Variants in RGS7 observed in about 807,000 individuals in gnomAD.
RGS7 encodes regulator of G-protein signaling 7.
A neutral mutation model predicts 81.1 loss-of-function variants in RGS7; 27 were observed. The observed-to-expected ratio is 0.33, with a 90% CI of 0.25 to 0.46. The LOEUF (loss-of-function observed/expected upper bound fraction) is 0.46, where lower values mean the gene tolerates loss of function less well. Ranked by LOEUF, RGS7 falls within the 20% of genes least tolerant of loss-of-function variation. The pLI is 1.00. For synonymous variants in RGS7, 208 were observed against 207.7 expected, an observed-to-expected ratio of 1.00 and a Z score of -0.01; for missense variants, 396 against 607.4, an observed-to-expected ratio of 0.65 and a Z score of 3.66.
At chr1:240,991,101 T>C (rs1005618683) in intron 3 of RGS7, among the ~76,000 whole-genome samples, 1 of 152,194 alleles carries the variant, frequency 6.6e-6, no homozygotes, top group African/African-American at 2.4e-5. Context: ...AGTAAAAATA[T>C]ATTTCCCTAC....
In RGS7 at chr1:240,868,196, A is replaced by T. The variant is rs1165343822; in HGVS notation, c.609+391T>A. On this transcript the variant is annotated intron_variant, in intron 9 of 18. Transcript: ENST00000440928. The surrounding 1 kb of genome is among the most constrained non-coding windows in gnomAD (Gnocchi z 5.1). ...GAAGGACGAAGGAAGGAAGGAAGGA[A>T]CGAAGGAACGAAGGGAGGGAAGGAA... 2.0e-5 allele frequency among the ~76,000 whole-genome samples: 3 copies of T among 150,240 alleles called. No homozygotes were observed. Among genetic ancestry groups the T allele is most frequent in the African/African-American group, 7.5e-5 (3 of 40,012 alleles).
intron 18 of RGS7, among the ~76,000 whole-genome samples, chr1:240,790,749 C>A (rs564239558): frequency 6.6e-6 from 1 of 152,136 alleles, no homozygotes; most frequent in Non-Finnish European, 1.5e-5. Context: ...AGAAAAGATT[C>A]TTGCAATGGG....
At chr1:241,106,494 A>C (rs774646195) in intron 2 of RGS7, among the ~76,000 whole-genome samples, 2 of 152,092 alleles carry the variant, frequency 1.3e-5, no homozygotes, top group Non-Finnish European at 2.9e-5. Context: ...CCAACGGATC[A>C]CCTGAGGTCC....
At chr1:241,248,882 C>A (rs942124401) in intron 2 of RGS7, among the ~76,000 whole-genome samples, 1 of 152,182 alleles carries the variant, frequency 6.6e-6, no homozygotes, top group African/African-American at 2.4e-5. Context: ...TATCATTCGA[C>A]GAACTTGCTA....
At chr1:240,941,331 G>A (rs1398492637) in intron 4 of RGS7, among the ~76,000 whole-genome samples, 1 of 152,116 alleles carries the variant, frequency 6.6e-6, no homozygotes. Flanking sequence ...GATATTTTGT[G>A]TTCATTACAG....
chr1:241,147,662 A>G (rs2068407691), intron 2 of RGS7, among the ~76,000 whole-genome samples: 2 of 151,316 alleles, frequency 1.3e-5, no homozygotes, highest in African/African-American at 4.8e-5. Context: ...TATAATTTCT[A>G]TGCAGGTTAT....
chr1:241,029,526 A>G (rs1040202315), intron 3 of RGS7, among the ~76,000 whole-genome samples: 7 of 152,210 alleles, frequency 4.6e-5, no homozygotes, highest in African/African-American at 1.7e-4. Flanking sequence ...TTCTGGGTGT[A>G]GTGACATGTG....
intron 14 of RGS7, among the ~76,000 whole-genome samples, chr1:240,810,623 T>A (rs965915554): frequency 6.6e-6 from 1 of 152,082 alleles, no homozygotes; most frequent in Admixed American, 6.6e-5. Context: ...ATTTTAATTT[T>A]AATTTTTTGT....
At chr1:241,084,805 A>T (rs1469181067) in intron 3 of RGS7, among the ~76,000 whole-genome samples, 68 of 152,252 alleles carry the variant, frequency 4.5e-4, no homozygotes, top group Admixed American at 4.4e-3. Context: ...AATACAAGAC[A>T]GAAACAGATG....
chr1:240,834,758 G>A (rs544591759), intron 9 of RGS7, among the ~76,000 whole-genome samples: 24 of 152,172 alleles, frequency 1.6e-4, no homozygotes, highest in Middle Eastern at 3.4e-3. Flanking sequence ...TGATCCGCCC[G>A]CCTCGGCCTC....
chr1:240,959,522 T>C (rs978722662), intron 4 of RGS7, among the ~76,000 whole-genome samples: 2 of 152,240 alleles, frequency 1.3e-5, no homozygotes, highest in African/African-American at 2.4e-5. Flanking sequence ...ACCATTATGA[T>C]AGCTACAGTA....
chr1:240,939,633 T>C (rs1057226346), intron 4 of RGS7, among the ~76,000 whole-genome samples: 2 of 152,160 alleles, frequency 1.3e-5, no homozygotes, highest in East Asian at 1.9e-4. Flanking sequence ...ACTGGATGAA[T>C]TGTAGTTTCA....
At chr1:240,873,092 A>G (rs77215364) in intron 6 of RGS7, among the ~76,000 whole-genome samples, 1 of 152,030 alleles carries the variant, frequency 6.6e-6, no homozygotes, top group East Asian at 1.9e-4. Flanking sequence ...AAAAACAAAA[A>G]CAAAAACAAA....
At chr1:240,777,260 TG>T (rs1029550038) in intron 18 of RGS7, among the ~76,000 whole-genome samples, 64 of 146,876 alleles carry the variant, frequency 4.4e-4, no homozygotes, top group African/African-American at 1.7e-3. Context: ...CCAGCCTGGG[TG>T]ACAAGAGCGA....
In RGS7 at chr1:241,327,121, A is replaced by AGAAAGAAAGAAAGAAG. The variant is rs1558321494; in HGVS notation, c.78+28577_78+28578insCTTCTTTCTTTCTTTC. ...AAGAAAGAAAGAAAGAAAGAAAGAA[A>AGAAAGAAAGAAAGAAG]GAAAGAAAGAAAGAAAGAAAGAAAG... On this transcript the variant is annotated intron_variant, in intron 2 of 18. Transcript: ENST00000440928. Among the ~76,000 whole-genome samples, 42 of 111,566 alleles carry AGAAAGAAAGAAAGAAG rather than the reference A, an allele frequency of 3.8e-4. 1 individual carries two copies. The highest frequency in any genetic ancestry group is 1.3e-3 in the Admixed American group (15 of 11,936). 73.2% of individuals were successfully genotyped at this position (111,566 alleles called of 152,430 possible).
chr1:241,338,105 C>CTTTGT (rs540280525), intron 2 of RGS7, among the ~76,000 whole-genome samples: 5 of 151,994 alleles, frequency 3.3e-5, no homozygotes, highest in Admixed American at 6.6e-5. Context: ...TCATATTTTG[C>CTTTGT]TTTGTTGTGT....
chr1:241,306,472 TCA>T (rs543557256), intron 2 of RGS7, among the ~76,000 whole-genome samples: 1,429 of 139,262 alleles, frequency 0.01, 7 homozygotes, highest in Middle Eastern at 0.027. Context: ...ACACGTCCAC[TCA>T]CACACACACG....
intron 2 of RGS7, among the ~76,000 whole-genome samples, chr1:241,337,378 T>C (rs982889816): frequency 1.2e-4 from 18 of 152,238 alleles, no homozygotes; most frequent in African/African-American, 4.3e-4. Context: ...CAGAGTATAT[T>C]GCTGTAGCAA....
chr1:241,034,525 A>T (rs1382719741), intron 3 of RGS7, among the ~76,000 whole-genome samples: 1 of 152,076 alleles, frequency 6.6e-6, no homozygotes, highest in African/African-American at 2.4e-5. Flanking sequence ...AATAAAAGGT[A>T]ACAAGGTCCA....
Sources: gnomAD v4.1 joint callset for allele counts (sites outside exome capture counted in the v4.1 genomes callset) on GRCh38, gnomAD v4.1.1 for gene constraint, Gnocchi (gnomAD v3.1) non-coding constraint, MANE v1.5 for transcripts, NCBI Gene and HGNC (gene_info 2026-07-23, HGNC 2026-07-21) for gene names.